The following MAST3 variants were observed in gnomAD, a reference collection of about 807,000 sequenced individuals.
The protein encoded by MAST3 is microtubule-associated serine/threonine-protein kinase 3.
A neutral mutation model predicts 127.0 loss-of-function variants in MAST3; 43 were observed. The observed-to-expected ratio is 0.34, with a 90% confidence interval of 0.27 to 0.44. MAST3 has a LOEUF of 0.44. Among genes scored for constraint, MAST3 ranks in the 20% least tolerant of loss-of-function variants. The pLI is 1.00. For synonymous variants in MAST3, 785 were observed against 809.2 expected, an observed-to-expected ratio of 0.97 and a Z score of 0.51; for missense variants, 1,390 against 1,919.1, an observed-to-expected ratio of 0.72 and a Z score of 5.15.
Position 18,144,990 on chromosome 19 carries a change from T to A in MAST3, c.2813-13T>A. The A allele has an allele frequency of 3.9e-6, 5 of 1,285,956 alleles. No homozygotes were observed. The highest frequency in any genetic ancestry group is 5.6e-6 in the Non-Finnish European group (5 of 892,922). The allele number at this position is 1,285,956 out of a possible 1,614,324, so 79.7% of individuals were successfully genotyped here. The stretch of plus-strand genomic sequence containing the variant: ...GTGAGGGAGTGAGTGACCCCCTCCC[T>A]AACCCCCTGCAGATGATGGCAGCGG... On this transcript the variant is annotated splice_polypyrimidine_tract_variant and intron_variant, in intron 23 of 27. Transcript: ENST00000687212. The surrounding 1 kb of genome is among the most constrained non-coding windows in gnomAD (Gnocchi z 4.0).
intron 1 of MAST3, among the ~76,000 whole-genome samples, chr19:18,104,585 C>G (rs1568545363): frequency 1.3e-5 from 2 of 152,240 alleles, no homozygotes; most frequent in South Asian, 2.1e-4. Flanking sequence ...ACACCCAGAT[C>G]ACGACGTGGG....
At position 18,121,680 on chromosome 19, in the gene MAST3, C is replaced by G. The variant is rs273482; in HGVS notation, c.162-5C>G. ...CACCTACCCTGTCCCCTTTTCCCCCCACAGCTGCCGCAGCGGGAACCGCAA... is the reference window on the plus strand; with the variant it reads ...CACCTACCCTGTCCCCTTTTCCCCCGACAGCTGCCGCAGCGGGAACCGCAA... On this transcript the variant is annotated splice_polypyrimidine_tract_variant and splice_region_variant and intron_variant, in intron 3 of 27. Coordinates refer to ENST00000687212, the MANE Select transcript of MAST3 (RefSeq NM_001393504.1). The G allele has an allele frequency of 0.014, 22,831 of 1,613,232 alleles. 2,491 individuals are homozygous for G. The African/African-American group carries it at 0.25, about 18-fold the overall frequency.
At chr19:18,126,674 T>A (rs1317120039) in intron 11 of MAST3, among the ~76,000 whole-genome samples, 1 of 152,066 alleles carries the variant, frequency 6.6e-6, no homozygotes, top group Non-Finnish European at 1.5e-5. Context: ...GGGGCTGAAG[T>A]GGGAAGACTG....
intron 15 of MAST3, 53 bp downstream of exon 15, chr19:18,132,100 T>G (rs1285873998): frequency 6.2e-7 from 1 of 1,601,936 alleles, no homozygotes; most frequent in Non-Finnish European, 8.5e-7. Context: ...CCAGAGAGGA[T>G]CAGGGGCGGG....
intron 21 of MAST3, among the ~76,000 whole-genome samples, chr19:18,143,085 CG>C (rs1568605892): frequency 6.7e-6 from 1 of 149,820 alleles, no homozygotes; most frequent in Non-Finnish European, 1.5e-5. Flanking sequence ...GCACTCCGGC[CG>C]GGGTGACAGA....
At chr19:18,140,457 T>A (rs1224489164) in intron 20 of MAST3, among the ~76,000 whole-genome samples, 1 of 152,208 alleles carries the variant, frequency 6.6e-6, no homozygotes, top group Non-Finnish European at 1.5e-5. Flanking sequence ...ATCACCTCTA[T>A]CTAGCTCTCA....
At position 18,110,664 on chromosome 19, in the gene MAST3, C is replaced by G; in HGVS notation, c.84C>G (p.Ser28Arg). The change falls in exon 3 of 28, where the codon AGC becomes AGG. Residue 28 changes from serine to arginine, a missense_variant. Transcript: ENST00000687212. The surrounding 1 kb of genome is among the most constrained non-coding windows in gnomAD (Gnocchi z 4.3). The part of the protein sequence containing the change: ...LPRRGRGLSP[S>R]SQSPSLLGPS... ...TCTTTCTTTGCAGTCTGTCTCCGAG[C>G]AGCCAGAGCCCGTCCCTGCTGGGTC... 1 of 985,704 alleles carries G rather than the reference C, an allele frequency of 1.0e-6. No homozygotes were observed. The highest frequency in any genetic ancestry group is 1.2e-6 in the Non-Finnish European group (1 of 829,814). The allele number at this position is 985,704 out of a possible 1,614,324, so 61.1% of individuals were successfully genotyped here. A position where few individuals can be genotyped will look rare whatever the true frequency, so the allele number is the denominator to read the frequency against.
At chr19:18,122,529 C>A in intron 5 of MAST3, 144 bp from the exon 6 acceptor site, 1 of 714,240 alleles carries the variant, frequency 1.4e-6, no homozygotes, top group Admixed American at 2.2e-5. Context: ...TGGACTTGGT[C>A]AGCCTGTGTC....
chr19:18,144,591 G>A lies in MAST3; in HGVS notation c.2710G>A (p.Glu904Lys). The A allele has an allele frequency of 6.2e-7, 1 of 1,611,170 alleles. No homozygotes were observed. The highest frequency in any genetic ancestry group is 8.5e-7 in the Non-Finnish European group (1 of 1,179,502). Reference sequence around the variant, plus strand: ...TGGGGGCCCAAGAGACCCAGCCCCTGAGAAGTCCAGAGCCTCCTCCAGCGG... The same window carrying A: ...TGGGGGCCCAAGAGACCCAGCCCCTAAGAAGTCCAGAGCCTCCTCCAGCGG... ...RLGGPRDPAP[E>K]KSRASSSGGS... The change falls in exon 23 of 28, where the codon GAG becomes AAG. Residue 904 changes from glutamate to lysine, a missense_variant. Physicochemically the swap from Glu to Lys is moderately conservative, Grantham distance 56. Coordinates refer to ENST00000687212, the MANE Select transcript of MAST3 (RefSeq NM_001393504.1). This position sits in a 1 kb window ranked among gnomAD's most constrained non-coding sequence, Gnocchi z 4.0.
At chr19:18,106,921 C>A (rs1341173564) in intron 1 of MAST3, among the ~76,000 whole-genome samples, 3 of 151,354 alleles carry the variant, frequency 2.0e-5, no homozygotes, top group Non-Finnish European at 2.9e-5. Flanking sequence ...CCACCTCAGC[C>A]CCCCAAGTAG....
Position 18,139,247 on chromosome 19 carries a change from C to T in MAST3, c.2205+123C>T. 15 of 692,668 alleles carry T rather than the reference C, an allele frequency of 2.2e-5. No homozygotes were observed. In the South Asian group the frequency reaches 2.3e-4, roughly 11 times the overall value. The allele number at this position is 692,668 out of a possible 1,614,324, so 42.9% of individuals were successfully genotyped here. ...GTAGAGATGAGGTCTTGCTATGCTG[C>T]CCAGGCTGGTCTCCAACTCCTGAAC... On this transcript the variant is annotated intron_variant, in intron 20 of 27. Transcript: ENST00000687212.
chr19:18,139,203 T>A, intron 20 of MAST3, 79 bp downstream of exon 20: 3 of 1,121,126 alleles, frequency 2.7e-6, no homozygotes, highest in Non-Finnish European at 3.9e-6. Flanking sequence ...TGTTTTTTGA[T>A]TTTGCTTTGT....
chr19:18,138,245 C>T (rs2042089382), intron 19 of MAST3, among the ~76,000 whole-genome samples: 1 of 148,670 alleles, frequency 6.7e-6, no homozygotes, highest in South Asian at 2.1e-4. Flanking sequence ...GCAATTTTAC[C>T]TAATTCTGTG....
At chr19:18,136,209 G>A (rs908387677) in intron 18 of MAST3, among the ~76,000 whole-genome samples, 2 of 152,158 alleles carry the variant, frequency 1.3e-5, no homozygotes, top group Non-Finnish European at 2.9e-5. Context: ...CACCCATCAC[G>A]TGGCCACTAT....
In MAST3 at chr19:18,145,148, CAAG is replaced by C. The variant is rs1232917450; in HGVS notation, c.2962_2964del (p.Lys988del). 6.2e-7 allele frequency: 1 copy of C among 1,613,830 alleles called. No individual in the cohort carries two copies. Among genetic ancestry groups the C allele is most frequent in the Non-Finnish European group, 8.5e-7 (1 of 1,179,888 alleles). On this transcript the variant is annotated inframe_deletion, in exon 24 of 28. Coordinates refer to ENST00000687212, the MANE Select transcript of MAST3 (RefSeq NM_001393504.1). This position sits in a 1 kb window ranked among gnomAD's most constrained non-coding sequence, Gnocchi z 5.9. ...CCCCCATCGTTATCCACAGCTCTGG[CAAG>C]AAGTACGGCTTCAGCCTGCGGGCGA...
chr19:18,100,896 C>T (rs1380480587), intron 1 of MAST3, among the ~76,000 whole-genome samples: 4 of 152,204 alleles, frequency 2.6e-5, no homozygotes, highest in African/African-American at 9.6e-5. Flanking sequence ...CCGGCCAATC[C>T]AGACGCATAG....
At chr19:18,098,055 C>G (rs999161231) in intron 1 of MAST3, among the ~76,000 whole-genome samples, 8 of 152,120 alleles carry the variant, frequency 5.3e-5, no homozygotes, top group Non-Finnish European at 1.0e-4. Context: ...AACTGAGGCT[C>G]CAAGCGATGG....
chr19:18,127,974 T>C (rs2040848290), intron 11 of MAST3, among the ~76,000 whole-genome samples: 1 of 152,142 alleles, frequency 6.6e-6, no homozygotes, highest in Non-Finnish European at 1.5e-5. Flanking sequence ...CCAGATCACA[T>C]GTGGTCTGTG....
Position 18,123,237 on chromosome 19 carries a change from A to G in MAST3, c.420A>G (p.Glu140=). Residue 140 remains glutamate, a synonymous_variant, in exon 7 of 28, where the codon GAA becomes GAG. Coordinates refer to ENST00000687212, the MANE Select transcript of MAST3 (RefSeq NM_001393504.1). The part of the protein sequence containing the change: ...STLSSSSSSR[E]RLHQLPFQPT... Reference sequence around the variant, plus strand: ...ACCAGTCAAGCTCATCCTCCCGGGAACGTCTCCACCAGCTTCCCTTCCAGC... The same window carrying G: ...ACCAGTCAAGCTCATCCTCCCGGGAGCGTCTCCACCAGCTTCCCTTCCAGC... The G allele has an allele frequency of 6.2e-7, 1 of 1,613,802 alleles. No individual in the cohort carries two copies. The highest frequency in any genetic ancestry group is 8.5e-7 in the Non-Finnish European group (1 of 1,179,848).
Sources: allele counts gnomAD v4.1 joint callset (sites outside exome capture counted in the v4.1 genomes callset), GRCh38; gene constraint gnomAD v4.1.1; non-coding constraint Gnocchi (gnomAD v3.1); transcripts MANE v1.5; gene names NCBI Gene and HGNC (gene_info 2026-07-23, HGNC 2026-07-21).